MED12L: variants seen among roughly 807,000 people sequenced by gnomAD.
The protein encoded by MED12L is mediator complex subunit 12L, also known as mediator of RNA polymerase II transcription subunit 12-like protein.
MED12L carries 60 observed loss-of-function variants against 281.3 expected under a neutral mutation model. That is an observed-to-expected ratio of 0.21 (90% CI 0.17 to 0.26). The LOEUF (loss-of-function observed/expected upper bound fraction) is 0.26, where lower values mean the gene tolerates loss of function less well. Ranked by LOEUF, MED12L falls within the 10% of genes least tolerant of loss-of-function variation. The pLI is 1.00. For synonymous variants in MED12L, 974 were observed against 987.2 expected, an observed-to-expected ratio of 0.99 and a Z score of 0.25; for missense variants, 2,146 against 2,680.9, an observed-to-expected ratio of 0.80 and a Z score of 4.41.
Position 151,400,177 on chromosome 3 carries a change from G to A in MED12L, c.5820+5310G>A, listed in dbSNP as rs180930453. 5.3e-5 allele frequency among the ~76,000 whole-genome samples: 8 copies of A among 152,358 alleles called. No homozygotes were observed. In the East Asian group the frequency reaches 9.6e-4, roughly 18 times the overall value. On this transcript the variant is annotated intron_variant, in intron 39 of 44. Transcript: ENST00000687756. ...ATATCGACATCTAGGGAAGGGGCTT[G>A]CAGAAGCAATCTAAAGTTTTGACCC...
rs927598902 is a variant in MED12L, at chr3:151,435,067, T to C, written c.*2263T>C. On this transcript the variant is annotated 3_prime_UTR_variant, in exon 45 of 45. Transcript: ENST00000687756. ...TTCTGTATCTTGAGAGGTTTCTTTTTTTTTTTTTTTTTTTTCTTTTCTTGC... is the reference window on the plus strand; with the variant it reads ...TTCTGTATCTTGAGAGGTTTCTTTTCTTTTTTTTTTTTTTTCTTTTCTTGC... The C allele has an allele frequency of 4.7e-5, 7 of 148,850 alleles. No individual in the cohort carries two copies. Among genetic ancestry groups the C allele is most frequent in the Non-Finnish European group, 8.9e-5 (6 of 67,332 alleles). 9.2% of individuals were successfully genotyped at this position (148,850 alleles called of 1,614,324 possible). A position where few individuals can be genotyped will look rare whatever the true frequency, so the allele number is the denominator to read the frequency against.
intron 13 of MED12L, among the ~76,000 whole-genome samples, chr3:151,189,813 G>C (rs996085040): frequency 2.1e-4 from 32 of 152,220 alleles, no homozygotes; most frequent in South Asian, 2.1e-4. Flanking sequence ...CAAAACTTTA[G>C]AGTGCAGTGA....
rs761669551 is a variant in MED12L at position 151,390,027 on chromosome 3, A to G, written c.5500A>G (p.Ile1834Val). The G allele has an allele frequency of 1.2e-5, 19 of 1,613,978 alleles. No homozygotes were observed. The highest frequency in any genetic ancestry group is 5.3e-5 in the African/African-American group (4 of 74,914). The part of the protein sequence containing the change: ...IYRVPPNYSP[I>V]SSQMMHHPQS... ...CCGAGTGCCTCCTAATTACTCGCCT[A>G]TCTCCTCCCAAATGATGCACCATCC... The change falls in exon 38 of 45, where the codon ATC (isoleucine) becomes GTC (valine). Residue 1834 changes from isoleucine to valine, a missense_variant. By Grantham distance (29) the Ile-to-Val change is conservative. This residue lies in a region of MED12L where 496 missense variants were observed against 512.0 expected (regional missense o/e 0.97). Coordinates refer to ENST00000687756, the MANE Select transcript of MED12L (RefSeq NM_001393769.1).
chr3:151,248,837 C>T (rs561458164), intron 16 of MED12L: 1 of 152,222 alleles, frequency 6.6e-6, no homozygotes, highest in South Asian at 2.1e-4. Context: ...TAACTGTACT[C>T]TGCATTAGAT....
At chr3:151,126,190 A>G (rs1714493436) in intron 4 of MED12L, among the ~76,000 whole-genome samples, 2 of 151,946 alleles carry the variant, frequency 1.3e-5, no homozygotes, top group Admixed American at 1.3e-4. Flanking sequence ...CTAGGGCCAC[A>G]GGTGTGTGCC....
intron 43 of MED12L, among the ~76,000 whole-genome samples, chr3:151,423,645 A>G (rs1176330482): frequency 1.3e-5 from 2 of 152,212 alleles, no homozygotes; most frequent in Non-Finnish European, 2.9e-5. Context: ...TTGACTAGAA[A>G]AATATTTTTA....
Position 151,411,361 on chromosome 3 carries a change from G to A in MED12L, c.5994G>A (p.Leu1998=), listed in dbSNP as rs774425541. The change falls in exon 41 of 45, where the codon CTG becomes CTA. Residue 1998 remains leucine (L), a synonymous_variant. Transcript: ENST00000687756. ...TSQQQAGSVV[L]SPSYNSRAYP... is the part of the protein sequence containing the mutation. The stretch of plus-strand genomic sequence containing the variant: ...AGCAGCAGGCTGGCAGTGTGGTCCT[G>A]TCTCCCAGCTATAACTCCAGAGCCT... The A allele has an allele frequency of 2.5e-6, 4 of 1,614,206 alleles. No homozygotes were observed. Among genetic ancestry groups the A allele is most frequent in the South Asian group, 2.2e-5 (2 of 91,084 alleles).
At chr3:151,314,764 A>T (rs997749534) in intron 16 of MED12L, among the ~76,000 whole-genome samples, 2 of 152,128 alleles carry the variant, frequency 1.3e-5, no homozygotes, top group African/African-American at 4.8e-5. Flanking sequence ...GCGTCTCAGC[A>T]TATCACCTGG....
intron 36 of MED12L, among the ~76,000 whole-genome samples, chr3:151,385,840 T>C (rs1217413998): frequency 1.3e-5 from 2 of 152,180 alleles, no homozygotes; most frequent in African/African-American, 2.4e-5. Flanking sequence ...ATATAAGATA[T>C]TAAAGATGGT....
At chr3:151,128,031 C>G in intron 5 of MED12L, 47 bp downstream of exon 5, 1 of 1,540,910 alleles carries the variant, frequency 6.5e-7, no homozygotes, top group Admixed American at 1.7e-5. Context: ...ATTGATTTTG[C>G]AAGTAATTGT....
chr3:151,381,281 G>A (rs1712292378), intron 32 of MED12L, among the ~76,000 whole-genome samples: 1 of 152,062 alleles, frequency 6.6e-6, no homozygotes, highest in African/African-American at 2.4e-5. Context: ...TGATCCTCTT[G>A]TCATTTCTCA....
chr3:151,231,904 A>T (rs536993004), intron 16 of MED12L, among the ~76,000 whole-genome samples: 13 of 152,222 alleles, frequency 8.5e-5, no homozygotes, highest in Non-Finnish European at 1.3e-4. Context: ...TCAGTACAAG[A>T]AAACAAAGTG....
chr3:151,291,249 G>A (rs148273788), intron 16 of MED12L, among the ~76,000 whole-genome samples: 170 of 149,476 alleles, frequency 1.1e-3, no homozygotes, highest in African/African-American at 3.7e-3. Flanking sequence ...ATTTATTCTC[G>A]TTTGCATGTG....
intron 21 of MED12L, among the ~76,000 whole-genome samples, chr3:151,362,785 G>A (rs1754780904): frequency 6.6e-6 from 1 of 152,106 alleles, no homozygotes; most frequent in Admixed American, 6.6e-5. Flanking sequence ...AATAAAGTGT[G>A]AAAATATGAA....
chr3:151,393,029 A>G (rs1322374682), intron 38 of MED12L, among the ~76,000 whole-genome samples: 2 of 152,214 alleles, frequency 1.3e-5, no homozygotes, highest in Non-Finnish European at 2.9e-5. Flanking sequence ...TGTGTTACTT[A>G]GATTGATCTT....
At chr3:151,383,689 A>T in intron 33 of MED12L, 90 bp from the exon 34 acceptor site, 1 of 792,324 alleles carries the variant, frequency 1.3e-6, no homozygotes. Flanking sequence ...TTTTTTAAAT[A>T]AAAAACAATC....
chr3:151,090,601 C>T (rs567645173), intron 2 of MED12L, among the ~76,000 whole-genome samples: 16 of 152,240 alleles, frequency 1.1e-4, no homozygotes, highest in Middle Eastern at 3.4e-3. Context: ...AAGGGAAATC[C>T]GGTGACTGAG....
At chr3:151,283,177 A>G (rs1288173432) in intron 16 of MED12L, among the ~76,000 whole-genome samples, 5 of 152,246 alleles carry the variant, frequency 3.3e-5, no homozygotes, top group African/African-American at 1.2e-4. Flanking sequence ...TGCAATTTGT[A>G]CATGTATTGT....
At chr3:151,359,289 TTTGC>T (rs1754321712) in intron 20 of MED12L, among the ~76,000 whole-genome samples, 1 of 152,140 alleles carries the variant, frequency 6.6e-6, no homozygotes, top group South Asian at 2.1e-4. Context: ...TAGTTTTTGG[TTTGC>T]TTGTTTATAT....
Sources: allele counts gnomAD v4.1 joint callset (sites outside exome capture counted in the v4.1 genomes callset), GRCh38; gene constraint gnomAD v4.1.1; regional missense constraint gnomAD v4.1.1; transcripts MANE v1.5; gene names NCBI Gene and HGNC (gene_info 2026-07-23, HGNC 2026-07-21).